The following ZMAT4 variants were observed in gnomAD, a reference collection of about 807,000 sequenced individuals.
ZMAT4 encodes the protein zinc finger matrin-type protein 4.
A neutral mutation model predicts 28.7 loss-of-function variants in ZMAT4; 17 were observed. The ratio of observed to expected loss-of-function variants is 0.59; its 90% confidence interval spans 0.41 to 0.89. ZMAT4 has a LOEUF of 0.89. Ranked by LOEUF, ZMAT4 falls within the 40% of genes least tolerant of loss-of-function variation. The pLI, the probability that ZMAT4 is intolerant of heterozygous loss-of-function variation, is 0.00. For missense variants in ZMAT4, 240 were observed against 283.8 expected, an observed-to-expected ratio of 0.85 and a Z score of 1.11; for synonymous variants, 117 against 109.2, an observed-to-expected ratio of 1.07 and a Z score of -0.44.
chr8:40,589,731 C>CTTTCTTTCTTTCTTTCCTT, intron 5 of ZMAT4, among the ~76,000 whole-genome samples: 1 of 139,384 alleles, frequency 7.2e-6, no homozygotes, highest in East Asian at 2.1e-4. Context: ...TTCTTCCTTT[C>CTTTCTTTCTTTCTTTCCTT]CTTTCTTTCT....
intron 1 of ZMAT4, among the ~76,000 whole-genome samples, chr8:40,849,035 C>G (rs1303059362): frequency 6.6e-6 from 1 of 152,244 alleles, no homozygotes; most frequent in East Asian, 1.9e-4. Context: ...GGAGGACAAG[C>G]TGCTGTCAGG....
intron 2 of ZMAT4, chr8:40,808,619 G>A (rs1251244552): frequency 1.1e-5 from 5 of 453,834 alleles, no homozygotes; most frequent in African/African-American, 4.0e-5. Flanking sequence ...AATGGAGGTA[G>A]GTGTGAGCTC....
In ZMAT4 at chr8:40,770,587, G is replaced by A. The variant is rs865789159; in HGVS notation, c.103-2857C>T. On this transcript the variant is annotated intron_variant, in intron 2 of 6. Transcript: ENST00000297737. ...TTTTGTGACAGAGTCTCGTTCTGTCGCCCAGGCTGGAGTGCAATGGCACAA... is the reference window on the plus strand; with the variant it reads ...TTTTGTGACAGAGTCTCGTTCTGTCACCCAGGCTGGAGTGCAATGGCACAA... Among the ~76,000 whole-genome samples the A allele has an allele frequency of 2.3e-4, 28 of 123,144 alleles. No individual in the cohort carries two copies. In the East Asian group the frequency reaches 2.3e-3, roughly 10 times the overall value. 80.8% of individuals were successfully genotyped at this position (123,144 alleles called of 152,430 possible).
intron 3 of ZMAT4, among the ~76,000 whole-genome samples, chr8:40,742,087 A>AAAAAAAAC (rs10624990): frequency 0.7 from 103,562 of 148,614 alleles, 37,305 homozygotes; most frequent in Non-Finnish European, 0.81. Flanking sequence ...AAAAATACAA[A>AAAAAAAAC]AAAAAACAAA....
rs1294944473 is a variant in ZMAT4, at chr8:40,624,510, C to A, written c.578-43249G>T. ...CACCTTCCTTTCCAAATTATTAGCTCCTTAAGGATGGAAACAATAATTTGT... is the reference window on the plus strand; with the variant it reads ...CACCTTCCTTTCCAAATTATTAGCTACTTAAGGATGGAAACAATAATTTGT... On this transcript the variant is annotated intron_variant, in intron 5 of 6. Transcript: ENST00000297737. Among the ~76,000 whole-genome samples the A allele has an allele frequency of 6.6e-5, 10 of 152,216 alleles. No homozygotes were observed. In the East Asian group the frequency reaches 1.9e-3, roughly 29 times the overall value.
At chr8:40,623,327 G>C (rs890350364) in intron 5 of ZMAT4, among the ~76,000 whole-genome samples, 17 of 152,172 alleles carry the variant, frequency 1.1e-4, no homozygotes, top group African/African-American at 4.1e-4. Context: ...GCCTACTCTA[G>C]GCAAACACTG....
chr8:40,697,257 A>G lies in ZMAT4; in HGVS notation c.337T>C (p.Leu113=), dbSNP rs780007970. Residue 113 remains leucine (L), a synonymous_variant, in exon 4 of 7, where the codon TTA becomes CTA. Coordinates refer to ENST00000297737, the MANE Select transcript of ZMAT4 (RefSeq NM_024645.3). ...TTCCTGCACGTACCTGTGGTCTTTA[A>G]TGGGGTCTTCTCTCCTAGCAAGAGT... The part of the protein sequence containing the change: ...LKLLLGEKTP[L]KTTATPLSPL... 2.9e-5 allele frequency: 46 copies of G among 1,610,344 alleles called. No individual in the cohort carries two copies. The highest frequency in any genetic ancestry group is 3.7e-5 in the Non-Finnish European group (44 of 1,178,220).
At chr8:40,847,282 T>A (rs547294668) in intron 1 of ZMAT4, among the ~76,000 whole-genome samples, 2 of 151,630 alleles carry the variant, frequency 1.3e-5, no homozygotes, top group South Asian at 4.2e-4. Context: ...AGTTTCAGCC[T>A]CTCCCTCTAA....
chr8:40,697,067 T>C, intron 4 of ZMAT4, 178 bp downstream of exon 4: 1 of 593,230 alleles, frequency 1.7e-6, no homozygotes, highest in Non-Finnish European at 2.8e-6. Context: ...AAATGGTATT[T>C]AGGGGTCTTA....
intron 6 of ZMAT4, among the ~76,000 whole-genome samples, chr8:40,575,541 C>T (rs1477412713): frequency 6.6e-6 from 1 of 152,000 alleles, no homozygotes; most frequent in Non-Finnish European, 1.5e-5. Context: ...GAGGCATTTA[C>T]AACATCACTA....
At chr8:40,769,159 G>T (rs889290399) in intron 2 of ZMAT4, among the ~76,000 whole-genome samples, 8 of 152,174 alleles carry the variant, frequency 5.3e-5, no homozygotes, top group African/African-American at 1.9e-4. Context: ...TTACAAATGT[G>T]TAAAAGTACT....
chr8:40,803,970 G>A (rs1207121105), intron 2 of ZMAT4, among the ~76,000 whole-genome samples: 1 of 152,120 alleles, frequency 6.6e-6, no homozygotes, highest in African/African-American at 2.4e-5. Flanking sequence ...CTACATTTAA[G>A]AAGCTAATCT....
At chr8:40,593,717 G>A (rs1435617026) in intron 5 of ZMAT4, among the ~76,000 whole-genome samples, 1 of 152,192 alleles carries the variant, frequency 6.6e-6, no homozygotes, top group Non-Finnish European at 1.5e-5. Context: ...GTTAAAAGAA[G>A]ATGCTAATTG....
intron 1 of ZMAT4, among the ~76,000 whole-genome samples, chr8:40,892,053 G>A (rs1056125666): frequency 2.0e-5 from 3 of 152,098 alleles, no homozygotes; most frequent in Non-Finnish European, 2.9e-5. Context: ...AGGCCACCAC[G>A]TGTGTGGCGG....
rs1816637250 is a variant in ZMAT4 at position 40,839,792 on chromosome 8, GAC to G, written c.-4-14114_-4-14113del. On this transcript the variant is annotated intron_variant, in intron 1 of 6. Coordinates refer to ENST00000297737, the MANE Select transcript of ZMAT4 (RefSeq NM_024645.3). ...CATGGACATAGAGTGTGGAGTGAAAGACAATGAAGTCTTGGAAGAGTGAGGGG... is the reference window on the plus strand; with the variant it reads ...CATGGACATAGAGTGTGGAGTGAAAGAATGAAGTCTTGGAAGAGTGAGGGG... 2.6e-5 allele frequency among the ~76,000 whole-genome samples: 4 copies of G among 152,200 alleles called. No individual in the cohort carries two copies. The South Asian group carries it at 8.3e-4, about 32-fold the overall frequency.
intron 1 of ZMAT4, among the ~76,000 whole-genome samples, chr8:40,880,101 C>T (rs2150662142): frequency 6.6e-6 from 1 of 152,272 alleles, no homozygotes; most frequent in Non-Finnish European, 1.5e-5. Context: ...GGCATGGTGG[C>T]CCACACCTAT....
At chr8:40,667,748 T>C (rs1054457560) in intron 5 of ZMAT4, among the ~76,000 whole-genome samples, 1 of 151,198 alleles carries the variant, frequency 6.6e-6, no homozygotes, top group African/African-American at 2.4e-5. Context: ...ACAAGTTGAA[T>C]GATTTGATAT....
chr8:40,556,272 G>A (rs183863187), intron 6 of ZMAT4, among the ~76,000 whole-genome samples: 1 of 152,036 alleles, frequency 6.6e-6, no homozygotes, highest in Non-Finnish European at 1.5e-5. Flanking sequence ...CAACACTCTT[G>A]TTCAGTTTTT....
At chr8:40,713,707 G>A (rs1347257855) in intron 3 of ZMAT4, among the ~76,000 whole-genome samples, 1 of 151,632 alleles carries the variant, frequency 6.6e-6, no homozygotes, top group Admixed American at 6.6e-5. Flanking sequence ...TCAGGAGTTC[G>A]AGACCAGCCT....
Sources: allele counts gnomAD v4.1 joint callset (sites outside exome capture counted in the v4.1 genomes callset), GRCh38; gene constraint gnomAD v4.1.1; transcripts MANE v1.5; gene names NCBI Gene and HGNC (gene_info 2026-07-23, HGNC 2026-07-21).